The following ZNF441 variants were observed in gnomAD, a reference collection of about 807,000 sequenced individuals.
ZNF441 encodes the protein zinc finger protein 441.
ZNF441 carries 25 observed loss-of-function variants against 64.5 expected under a neutral mutation model. The observed-to-expected ratio is 0.39, with a 90% CI of 0.28 to 0.54. The LOEUF is 0.54. Ranked by LOEUF, ZNF441 falls within the 20% of genes least tolerant of loss-of-function variation. The probability of loss-of-function intolerance (pLI) is 0.70; values close to 1 mark genes in which losing one functional copy is unlikely to be tolerated. For synonymous variants in ZNF441, 262 were observed against 268.0 expected, an observed-to-expected ratio of 0.98 and a Z score of 0.22; for missense variants, 715 against 843.3, an observed-to-expected ratio of 0.85 and a Z score of 1.88.
In ZNF441 at chr19:11,778,811, A is replaced by T. The variant is rs555613858; in HGVS notation, c.194+418A>T. Among the ~76,000 whole-genome samples the T allele has an allele frequency of 5.3e-5, 8 of 152,356 alleles. No individual in the cohort carries two copies. In the South Asian group the frequency reaches 1.2e-3, roughly 24 times the overall value. ...TAACAAGCCCACCTTAAATTTATTT[A>T]TTCTTAGAAAATTTTCTTCAAAAAC... On this transcript the variant is annotated intron_variant, in intron 3 of 3. Transcript: ENST00000357901.
intron 1 of ZNF441, among the ~76,000 whole-genome samples, chr19:11,773,380 G>A (rs919078810): frequency 2.0e-5 from 3 of 152,142 alleles, no homozygotes; most frequent in African/African-American, 7.2e-5. Context: ...GTCTATCTTG[G>A]TATATACTTC....
chr19:11,779,769 T>C (rs1173116419), intron 3 of ZNF441, among the ~76,000 whole-genome samples: 1 of 135,166 alleles, frequency 7.4e-6, no homozygotes, highest in African/African-American at 2.9e-5. Flanking sequence ...AAATCAGCCA[T>C]GTGTGGTGGC....
In ZNF441 at chr19:11,767,856, C is replaced by T. The variant is rs977584378; in HGVS notation, c.3+660C>T. On this transcript the variant is annotated intron_variant, in intron 1 of 3. Coordinates refer to ENST00000357901, the MANE Select transcript of ZNF441 (RefSeq NM_152355.3). The surrounding 1 kb of genome is among the most constrained non-coding windows in gnomAD (Gnocchi z 5.1). The stretch of plus-strand genomic sequence containing the variant: ...AGCCGGCGGTCAGCATCTGCTGTGG[C>T]CTGACTCTTGGGGAGGCGGCCCCGC... Among the ~76,000 whole-genome samples the T allele has an allele frequency of 2.0e-5, 3 of 152,166 alleles. No homozygotes were observed. The highest frequency in any genetic ancestry group is 2.4e-5 in the African/African-American group (1 of 41,442).
chr19:11,781,647 C>G lies in ZNF441; in HGVS notation c.1823C>G (p.Thr608Ser), dbSNP rs1171771885. 15 of 1,613,980 alleles carry G rather than the reference C, an allele frequency of 9.3e-6. No homozygotes were observed. The highest frequency in any genetic ancestry group is 1.3e-5 in the African/African-American group (1 of 74,930). Residue 608 changes from threonine to serine, a missense_variant, in exon 4 of 4, where the codon ACT becomes AGT. This residue lies in a region of ZNF441 where 316 missense variants were observed against 429.3 expected (regional missense o/e 0.74). Transcript: ENST00000357901. ...AGTTCAGTGCAAAGACATGAAAGAA[C>G]TCACACTGGAGAGAAACCCTATGAA... The part of the protein sequence containing the change: ...YPSSVQRHER[T>S]HTGEKPYECK...
In ZNF441 at chr19:11,767,215, G is replaced by C; in HGVS notation, c.3+19G>C. Reference sequence around the variant, plus strand: ...GGAAATGGTGAGTGTGTGAGGTCTGGTGTCCCGACGCGTGAGAGGAGAGAC... The same window carrying C: ...GGAAATGGTGAGTGTGTGAGGTCTGCTGTCCCGACGCGTGAGAGGAGAGAC... On this transcript the variant is annotated intron_variant, in intron 1 of 3. Coordinates refer to ENST00000357901, the MANE Select transcript of ZNF441 (RefSeq NM_152355.3). The surrounding 1 kb of genome is among the most constrained non-coding windows in gnomAD (Gnocchi z 5.1). The C allele has an allele frequency of 6.4e-7, 1 of 1,558,576 alleles. No homozygotes were observed. The highest frequency in any genetic ancestry group is 8.7e-7 in the Non-Finnish European group (1 of 1,151,182).
In ZNF441 at chr19:11,780,603, C is replaced by T; in HGVS notation, c.779C>T (p.Ala260Val). 3 of 1,614,140 alleles carry T rather than the reference C, an allele frequency of 1.9e-6. No individual in the cohort carries two copies. The highest frequency in any genetic ancestry group is 1.7e-6 in the Non-Finnish European group (2 of 1,180,026). ...TATCAATGTAAACAATGTGGGAAAG[C>T]CTTCAGTTGTTCCTGTTACACTCAA... ...KPYQCKQCGKAFSCSCYTQLY... is the reference protein window; with the variant it reads ...KPYQCKQCGKVFSCSCYTQLY... Residue 260 changes from alanine to valine, a missense_variant, in exon 4 of 4, where the codon GCC (alanine) becomes GTC (valine). Transcript: ENST00000357901.
chr19:11,769,649 C>T (rs1975297592), intron 1 of ZNF441, among the ~76,000 whole-genome samples: 1 of 151,440 alleles, frequency 6.6e-6, no homozygotes, highest in Non-Finnish European at 1.5e-5. Flanking sequence ...AGCAGCAGGT[C>T]AGTTGTCTAC....
rs189674388 is a variant in ZNF441 at position 11,778,823 on chromosome 19, T to A, written c.194+430T>A. Among the ~76,000 whole-genome samples the A allele has an allele frequency of 5.8e-3, 880 of 152,204 alleles. 10 individuals are homozygous for A. Among genetic ancestry groups the A allele is most frequent in the African/African-American group, 0.02 (826 of 41,526 alleles). On this transcript the variant is annotated intron_variant, in intron 3 of 3. Coordinates refer to ENST00000357901, the MANE Select transcript of ZNF441 (RefSeq NM_152355.3). Reference sequence around the variant, plus strand: ...CTTAAATTTATTTATTCTTAGAAAATTTTCTTCAAAAACATATACTTAAAT... The same window carrying A: ...CTTAAATTTATTTATTCTTAGAAAAATTTCTTCAAAAACATATACTTAAAT...
Position 11,781,498 on chromosome 19 carries a change from C to G in ZNF441, c.1674C>G (p.Pro558=). ...LHERTHTGEK[P]YGCQQCGKAL... is the part of the protein sequence containing the mutation. ...AAAGGACTCACACTGGAGAGAAACC[C>G]TATGGTTGTCAGCAATGTGGGAAAG... Residue 558 remains proline (P), a synonymous_variant, in exon 4 of 4, where the codon CCC becomes CCG. Transcript: ENST00000357901. 1 of 1,614,056 alleles carries G rather than the reference C, an allele frequency of 6.2e-7. No individual in the cohort carries two copies. Among genetic ancestry groups the G allele is most frequent in the Non-Finnish European group, 8.5e-7 (1 of 1,180,000 alleles).
chr19:11,768,141 C>G (rs1214771657), intron 1 of ZNF441, among the ~76,000 whole-genome samples: 1 of 152,202 alleles, frequency 6.6e-6, no homozygotes, highest in Admixed American at 6.5e-5. Context: ...ACTGTGTTCT[C>G]TCATCCTAAC....
rs1232737967 is a variant in ZNF441, at chr19:11,767,027, G to C, written c.-167G>C. On this transcript the variant is annotated 5_prime_UTR_variant, in exon 1 of 4. Transcript: ENST00000357901. The surrounding 1 kb of genome is among the most constrained non-coding windows in gnomAD (Gnocchi z 5.1). ...CAATCAGGCGCACTGACCGGAGGAGGGTGCAAGGTTCAAAGAGCCCGCCGA... is the reference window on the plus strand; with the variant it reads ...CAATCAGGCGCACTGACCGGAGGAGCGTGCAAGGTTCAAAGAGCCCGCCGA... 2.1e-6 allele frequency: 2 copies of C among 954,970 alleles called. No individual in the cohort carries two copies. Among genetic ancestry groups the C allele is most frequent in the Admixed American group, 4.8e-5 (2 of 41,358 alleles). 59.2% of individuals were successfully genotyped at this position (954,970 alleles called of 1,614,324 possible).
chr19:11,773,055 T>C (rs186022232), intron 1 of ZNF441, among the ~76,000 whole-genome samples: 1 of 152,302 alleles, frequency 6.6e-6, no homozygotes, highest in East Asian at 1.9e-4. Flanking sequence ...CCTCCCAAAG[T>C]GCTGGGATTA....
chr19:11,775,376 C>T (rs1460850617), intron 1 of ZNF441, among the ~76,000 whole-genome samples: 1 of 152,192 alleles, frequency 6.6e-6, no homozygotes, highest in East Asian at 1.9e-4. Flanking sequence ...GTCGCCCAGG[C>T]TGGGGTGCAG....
chr19:11,774,315 A>G (rs1420838575), intron 1 of ZNF441, among the ~76,000 whole-genome samples: 9 of 152,308 alleles, frequency 5.9e-5, no homozygotes, highest in African/African-American at 1.9e-4. Context: ...AGAATTTCAA[A>G]TGTCTTCATT....
intron 1 of ZNF441, among the ~76,000 whole-genome samples, chr19:11,775,886 C>T (rs1172193429): frequency 6.6e-6 from 1 of 152,098 alleles, no homozygotes; most frequent in East Asian, 1.9e-4. Flanking sequence ...CCTCAGCCTC[C>T]CAAAGTGCTG....
rs1975358604 is a variant in ZNF441 at position 11,776,830 on chromosome 19, C to A, written c.4-781C>A. 2.0e-5 allele frequency among the ~76,000 whole-genome samples: 3 copies of A among 149,138 alleles called. 1 individual carries two copies. The highest frequency in any genetic ancestry group is 4.2e-4 in the South Asian group (2 of 4,750). On this transcript the variant is annotated intron_variant, in intron 1 of 3. Coordinates refer to ENST00000357901, the MANE Select transcript of ZNF441 (RefSeq NM_152355.3). ...TTTTTCCCTTTTTTTTTTTTTGAGG[C>A]GGAGTTTCTCTCTTGTTGCCCAGGC...
chr19:11,776,974 A>G (rs1975360190), intron 1 of ZNF441, among the ~76,000 whole-genome samples: 1 of 151,994 alleles, frequency 6.6e-6, no homozygotes, highest in Non-Finnish European at 1.5e-5. Flanking sequence ...ATACCGGGCT[A>G]ATTTTTTGTA....
chr19:11,777,732 G>A lies in ZNF441; in HGVS notation c.125G>A (p.Cys42Tyr), dbSNP rs766467026. Residue 42 changes from cysteine (C) to tyrosine (Y), a missense_variant, in exon 2 of 4, where the codon TGT (cysteine) becomes TAT (tyrosine). Transcript: ENST00000357901. ...CAGGAAACCATCAGAAACCTGGACT[G>A]TATAGGTAAGGATGTCATCATGTCT... is the stretch of plus-strand genomic sequence containing the variant. ...VMQETIRNLD[C>Y]IGMIWQNHDI... is the part of the protein sequence containing the mutation. 8.0e-5 allele frequency: 129 copies of A among 1,608,954 alleles called. No individual in the cohort carries two copies. The highest frequency in any genetic ancestry group is 1.1e-4 in the Non-Finnish European group (127 of 1,178,126).
chr19:11,779,023 T>G (rs1032635932), intron 3 of ZNF441, among the ~76,000 whole-genome samples: 5 of 152,088 alleles, frequency 3.3e-5, no homozygotes, highest in Non-Finnish European at 5.9e-5. Context: ...ATGATAATGT[T>G]AGAAATGTAA....
Sources: gnomAD v4.1 joint callset for allele counts (sites outside exome capture counted in the v4.1 genomes callset) on GRCh38, gnomAD v4.1.1 for gene constraint, gnomAD v4.1.1 regional missense constraint, Gnocchi (gnomAD v3.1) non-coding constraint, MANE v1.5 for transcripts, NCBI Gene and HGNC (gene_info 2026-07-23, HGNC 2026-07-21) for gene names.